Variants in WNK3 observed in about 807,000 individuals in gnomAD.
WNK3 encodes WNK lysine deficient protein kinase 3.
WNK3 carries 18 observed loss-of-function variants against 116.7 expected under a neutral mutation model. The ratio of observed to expected loss-of-function variants is 0.15; its 90% confidence interval spans 0.11 to 0.23. The LOEUF (loss-of-function observed/expected upper bound fraction) is 0.23. Ranked by LOEUF, WNK3 falls within the 10% of genes least tolerant of loss-of-function variation. The pLI is 1.00. For synonymous variants in WNK3, 404 were observed against 469.4 expected (o/e 0.86, Z 1.80); for missense variants, 993 against 1,323.8 (o/e 0.75, Z 3.88).
At chrX:54,297,530 T>C (rs781943336) in intron 7 of WNK3, among the ~76,000 whole-genome samples, 1 of 107,680 alleles carries the variant, frequency 9.3e-6, no homozygotes, top group East Asian at 3.0e-4. Context: ...TGAGCCGAGA[T>C]TGTGCCACTG....
At chrX:54,201,208 A>G (rs916737198) in intron 23 of WNK3, among the ~76,000 whole-genome samples, 3 of 111,690 alleles carry the variant, frequency 2.7e-5, no homozygotes, top group Non-Finnish European at 5.6e-5. Flanking sequence ...ACCATCCAGC[A>G]TATTTTTCAT....
At chrX:54,212,874 ATAGG>A (rs1311474673) in intron 22 of WNK3, among the ~76,000 whole-genome samples, 109 of 111,802 alleles carry the variant, frequency 9.7e-4, no homozygotes, top group African/African-American at 3.4e-3. Flanking sequence ...AGAAATATTC[ATAGG>A]TAGGGATATG....
chrX:54,304,430 A>G (rs2068801184), intron 5 of WNK3, among the ~76,000 whole-genome samples: 1 of 109,289 alleles, frequency 9.2e-6, no homozygotes, highest in African/African-American at 3.3e-5. Flanking sequence ...GGTCCCAGCT[A>G]CCAGGGTGGC....
chrX:54,349,724 G>A (rs1557178222), intron 1 of WNK3, among the ~76,000 whole-genome samples: 1 of 111,267 alleles, frequency 9.0e-6, no homozygotes, highest in East Asian at 2.8e-4. Context: ...TAAACAATGT[G>A]GTTTTAGCAC....
At chrX:54,353,955 A>G (rs1289883782) in intron 1 of WNK3, among the ~76,000 whole-genome samples, 1 of 106,836 alleles carries the variant, frequency 9.4e-6, no homozygotes, top group Non-Finnish European at 1.9e-5. Flanking sequence ...GGTGGCATGC[A>G]CCTATAATCC....
intron 22 of WNK3, among the ~76,000 whole-genome samples, chrX:54,203,480 A>G (rs1309209063): frequency 8.9e-6 from 1 of 111,867 alleles, no homozygotes; most frequent in Non-Finnish European, 1.9e-5. Flanking sequence ...TCTTTTAATC[A>G]TGAAAAAATA....
chrX:54,239,162 G>T, intron 17 of WNK3, 63 bp from the exon 18 acceptor site: 1 of 594,723 alleles, frequency 1.7e-6, no homozygotes, highest in Non-Finnish European at 2.2e-6. Context: ...AAACAACCGA[G>T]AAAAACCAAA....
exon 24 of WNK3, chrX:54,198,172 C>CA: frequency 4.4e-6 from 2 of 453,387 alleles, no homozygotes; most frequent in Non-Finnish European, 7.0e-6. Flanking sequence ...TGAGCTGTAT[C>CA]AAATACCACA....
At chrX:54,330,365 T>C (rs1467004922) in intron 2 of WNK3, among the ~76,000 whole-genome samples, 1 of 110,137 alleles carries the variant, frequency 9.1e-6, no homozygotes, top group Non-Finnish European at 1.9e-5. Context: ...AGAGCAAGAC[T>C]CCGTCTAAAA....
At chrX:54,291,700 C>G (rs1000817413) in intron 10 of WNK3, among the ~76,000 whole-genome samples, 6 of 112,059 alleles carry the variant, frequency 5.4e-5, no homozygotes, top group African/African-American at 1.9e-4. Context: ...TTAAATGCAT[C>G]TGGCATTTGT....
intron 1 of WNK3, among the ~76,000 whole-genome samples, chrX:54,348,383 G>C (rs2069467150): frequency 9.0e-6 from 1 of 111,016 alleles, no homozygotes; most frequent in African/African-American, 3.3e-5. Flanking sequence ...CACCATGTTG[G>C]CCAGGCTGGT....
intron 2 of WNK3, among the ~76,000 whole-genome samples, chrX:54,328,539 G>A (rs782122522): frequency 3.7e-5 from 4 of 109,454 alleles, no homozygotes; most frequent in East Asian, 2.9e-4. Context: ...CCAGGCATTC[G>A]AGGTTACAGT....
At chrX:54,272,434 G>A (rs2068393831) in intron 10 of WNK3, among the ~76,000 whole-genome samples, 1 of 107,984 alleles carries the variant, frequency 9.3e-6, no homozygotes, top group African/African-American at 3.4e-5. Flanking sequence ...GAGTGAAACC[G>A]TATCTCAAAA....
At chrX:54,202,835 A>T (rs60377455) in intron 22 of WNK3, among the ~76,000 whole-genome samples, 3 of 110,636 alleles carry the variant, frequency 2.7e-5, no homozygotes, top group African/African-American at 9.9e-5. Context: ...TACTTTAAAG[A>T]TTAAAAAAGA....
chrX:54,284,821 T>C (rs1386978679), intron 10 of WNK3, among the ~76,000 whole-genome samples: 3 of 109,500 alleles, frequency 2.7e-5, no homozygotes, highest in Non-Finnish European at 5.7e-5. Flanking sequence ...AAATACAAAA[T>C]TAGCCGGGCG....
At chrX:54,346,224 T>A (rs2069424755) in intron 1 of WNK3, among the ~76,000 whole-genome samples, 1 of 95,699 alleles carries the variant, frequency 1.0e-5, no homozygotes, top group Non-Finnish European at 2.0e-5. Context: ...AATATTTTCA[T>A]TAATAATAGC....
At position 54,208,123 on chromosome X, in the gene WNK3, T is replaced by C. The variant is rs1224214061; in HGVS notation, c.4871-5930A>G. Among the ~76,000 whole-genome samples the C allele has an allele frequency of 3.6e-5, 4 of 110,030 alleles. No individual in the cohort carries two copies. The East Asian group carries it at 1.1e-3, about 31-fold the overall frequency. The stretch of plus-strand genomic sequence containing the variant: ...GAGGATTAAGATAATATATATAATA[T>C]ATACTATATATGTTTTTTTGAGATG... On this transcript the variant is annotated intron_variant, in intron 22 of 23. Transcript: ENST00000354646.
At chrX:54,199,987 C>T (rs1486483616) in intron 23 of WNK3, among the ~76,000 whole-genome samples, 3 of 112,254 alleles carry the variant, frequency 2.7e-5, no homozygotes, top group Non-Finnish European at 3.8e-5. Context: ...AATCCCTTCA[C>T]GCTCCTTTCC....
intron 1 of WNK3, among the ~76,000 whole-genome samples, chrX:54,346,330 G>GGT (rs1289595667): frequency 1.4e-4 from 15 of 104,527 alleles, no homozygotes; most frequent in African/African-American, 5.2e-4. Context: ...GGCCGGGAGT[G>GGT]GTGGCTCACG....
Sources: allele counts gnomAD v4.1 joint callset (sites outside exome capture counted in the v4.1 genomes callset), GRCh38; gene constraint gnomAD v4.1.1; transcripts MANE v1.5; gene names NCBI Gene and HGNC (gene_info 2026-07-23, HGNC 2026-07-21).